The following NALF1 variants were observed in gnomAD, a reference collection of about 807,000 sequenced individuals.
NALF1 encodes NALCN channel auxiliary factor 1.
NALF1 carries 3 observed loss-of-function variants against 48.4 expected under a neutral mutation model. The observed-to-expected ratio is 0.06, with a 90% confidence interval of 0.03 to 0.16. The LOEUF (loss-of-function observed/expected upper bound fraction) is 0.16, where lower values mean the gene tolerates loss of function less well. NALF1 is among the 10% of genes least tolerant of loss of function. NALF1 has a pLI of 1.00. For synonymous variants in NALF1, 262 were observed against 245.7 expected (o/e 1.07, Z -0.62); for missense variants, 526 against 571.5 (o/e 0.92, Z 0.81).
intron 1 of NALF1, among the ~76,000 whole-genome samples, chr13:107,236,976 T>A (rs1008751841): frequency 1.3e-5 from 2 of 152,130 alleles, no homozygotes; most frequent in African/African-American, 4.8e-5. Context: ...GTATGTAGGT[T>A]ATATGGAAAT....
intron 2 of NALF1, among the ~76,000 whole-genome samples, chr13:107,177,985 T>C (rs765679454): frequency 6.6e-6 from 1 of 152,056 alleles, no homozygotes; most frequent in Non-Finnish European, 1.5e-5. Context: ...AGGCAGAGGT[T>C]GCAGTGAGTC....
At chr13:107,497,228 AAT>A (rs1224194182) in intron 1 of NALF1, among the ~76,000 whole-genome samples, 2 of 152,320 alleles carry the variant, frequency 1.3e-5, no homozygotes, top group African/African-American at 2.4e-5. Flanking sequence ...TGAATATAAA[AAT>A]AGTCTCATTT....
At chr13:107,182,969 G>C (rs866672718) in intron 2 of NALF1, among the ~76,000 whole-genome samples, 2 of 152,136 alleles carry the variant, frequency 1.3e-5, no homozygotes, top group South Asian at 2.1e-4. Context: ...AAATCCAAGG[G>C]CAGAGTTATT....
At chr13:107,693,159 T>C (rs939190916) in intron 1 of NALF1, among the ~76,000 whole-genome samples, 1 of 152,174 alleles carries the variant, frequency 6.6e-6, no homozygotes, top group African/African-American at 2.4e-5. Flanking sequence ...CTCCAGCATC[T>C]GTTGTTTCCT....
At chr13:107,813,849 C>T (rs1215912520) in intron 1 of NALF1, among the ~76,000 whole-genome samples, 2 of 152,044 alleles carry the variant, frequency 1.3e-5, no homozygotes, top group Non-Finnish European at 2.9e-5. Context: ...GATTCAAGAT[C>T]ATGAGTTTAA....
intron 1 of NALF1, among the ~76,000 whole-genome samples, chr13:107,566,219 A>G (rs538263262): frequency 1.3e-5 from 2 of 152,338 alleles, no homozygotes; most frequent in African/African-American, 4.8e-5. Context: ...GTTACAGGCA[A>G]GGAGGGGTTT....
intron 1 of NALF1, among the ~76,000 whole-genome samples, chr13:107,217,553 G>GTC (rs1234061755): frequency 6.6e-6 from 1 of 151,906 alleles, no homozygotes; most frequent in Non-Finnish European, 1.5e-5. Flanking sequence ...CTCTTTCTCT[G>GTC]TCTCTCTCTT....
intron 1 of NALF1, among the ~76,000 whole-genome samples, chr13:107,448,688 A>G (rs1441084713): frequency 6.6e-6 from 1 of 152,218 alleles, no homozygotes; most frequent in Non-Finnish European, 1.5e-5. Context: ...TAGGTGACAA[A>G]GCATTTAGTA....
chr13:107,725,550 A>C (rs973493085), intron 1 of NALF1, among the ~76,000 whole-genome samples: 2 of 152,226 alleles, frequency 1.3e-5, no homozygotes, highest in African/African-American at 4.8e-5. Flanking sequence ...TTTCTACTAA[A>C]AAATACAAAA....
At chr13:107,506,643 C>A (rs763110888) in intron 1 of NALF1, among the ~76,000 whole-genome samples, 33 of 152,092 alleles carry the variant, frequency 2.2e-4, no homozygotes, top group Non-Finnish European at 4.0e-4. Flanking sequence ...AATTATGGGT[C>A]TCTAGTGAAT....
intron 1 of NALF1, among the ~76,000 whole-genome samples, chr13:107,527,787 C>T (rs1341444937): frequency 6.6e-6 from 1 of 152,108 alleles, no homozygotes; most frequent in Non-Finnish European, 1.5e-5. Flanking sequence ...TTGTCTGCTG[C>T]CATGTAAGAC....
intron 1 of NALF1, among the ~76,000 whole-genome samples, chr13:107,766,646 C>T (rs368277243): frequency 1.3e-5 from 2 of 152,158 alleles, no homozygotes; most frequent in South Asian, 2.1e-4. Context: ...GAATTTATAT[C>T]TGTGTATGTA....
At chr13:107,674,526 T>C (rs548492390) in intron 1 of NALF1, among the ~76,000 whole-genome samples, 1 of 152,306 alleles carries the variant, frequency 6.6e-6, no homozygotes, top group East Asian at 1.9e-4. Context: ...TGGCATTTAT[T>C]CATTATTTTT....
At chr13:107,696,823 G>A (rs1881711612) in intron 1 of NALF1, among the ~76,000 whole-genome samples, 1 of 151,918 alleles carries the variant, frequency 6.6e-6, no homozygotes, top group African/African-American at 2.4e-5. Context: ...ATTGGCCTGG[G>A]TTTTGTATTT....
intron 1 of NALF1, among the ~76,000 whole-genome samples, chr13:107,424,858 G>T (rs1884252964): frequency 1.3e-5 from 2 of 152,148 alleles, no homozygotes; most frequent in Admixed American, 6.5e-5. Context: ...GCATTTACAT[G>T]CAACTTTGGT....
intron 1 of NALF1, among the ~76,000 whole-genome samples, chr13:107,777,274 C>G (rs943591084): frequency 6.6e-6 from 1 of 152,064 alleles, no homozygotes; most frequent in Admixed American, 6.5e-5. Context: ...AGATTTGCCC[C>G]AAACAGACAA....
intron 1 of NALF1, among the ~76,000 whole-genome samples, chr13:107,371,752 T>C (rs1392444000): frequency 1.3e-5 from 2 of 152,206 alleles, no homozygotes; most frequent in African/African-American, 2.4e-5. Context: ...AAAAGATTAG[T>C]AATTAACCTC....
At chr13:107,846,270 T>C (rs1328065949) in intron 1 of NALF1, among the ~76,000 whole-genome samples, 1 of 152,178 alleles carries the variant, frequency 6.6e-6, no homozygotes, top group Admixed American at 6.5e-5. Flanking sequence ...CCCACCATGT[T>C]CTAGATAGAG....
At chr13:107,198,011 T>G (rs1278344152) in intron 2 of NALF1, among the ~76,000 whole-genome samples, 2 of 152,128 alleles carry the variant, frequency 1.3e-5, no homozygotes, top group Non-Finnish European at 1.5e-5. Flanking sequence ...ACCCATAAAA[T>G]AAGGCTGGGA....
Sources: allele counts gnomAD v4.1 joint callset (sites outside exome capture counted in the v4.1 genomes callset), GRCh38; gene constraint gnomAD v4.1.1; transcripts MANE v1.5; gene names NCBI Gene and HGNC (gene_info 2026-07-23, HGNC 2026-07-21).